FSTL5: variants seen among roughly 807,000 people sequenced by gnomAD.
The protein encoded by FSTL5 is follistatin-related protein 5.
FSTL5 carries 62 observed loss-of-function variants against 89.1 expected under a neutral mutation model. That is an observed-to-expected ratio of 0.70 (90% CI 0.57 to 0.86). The LOEUF is 0.86. FSTL5 is among the 40% of genes least tolerant of loss of function. The probability of loss-of-function intolerance (pLI) is 0.00; values close to 1 mark genes in which losing one functional copy is unlikely to be tolerated. For synonymous variants in FSTL5, 383 were observed against 346.2 expected (o/e 1.11, Z -1.18); for missense variants, 1,057 against 1,001.6 (o/e 1.06, Z -0.75).
intron 3 of FSTL5, among the ~76,000 whole-genome samples, chr4:161,969,884 G>T (rs141195290): frequency 2.0e-5 from 3 of 152,068 alleles, no homozygotes; most frequent in Admixed American, 6.6e-5. Flanking sequence ...ATGAGGATTT[G>T]AGAAGATAAA....
chr4:162,136,230 CAACATGCATATTT>C (rs1330295150), intron 1 of FSTL5, among the ~76,000 whole-genome samples: 5 of 152,002 alleles, frequency 3.3e-5, no homozygotes, highest in African/African-American at 1.2e-4. Context: ...CAAAACATCT[CAACATGCATATTT>C]AACATCTTGC....
intron 3 of FSTL5, among the ~76,000 whole-genome samples, chr4:162,014,340 A>G (rs1003184964): frequency 1.3e-5 from 2 of 152,244 alleles, no homozygotes; most frequent in Non-Finnish European, 2.9e-5. Flanking sequence ...CAAGCATGCT[A>G]CATAATACTA....
intron 7 of FSTL5, among the ~76,000 whole-genome samples, chr4:161,650,763 A>T (rs12646826): frequency 0.2 from 30,445 of 152,088 alleles, 3,237 homozygotes; most frequent in Middle Eastern, 0.35. Context: ...AATCTAGTTT[A>T]ATATGACATA....
intron 7 of FSTL5, among the ~76,000 whole-genome samples, chr4:161,638,147 T>C (rs1190696133): frequency 4.6e-5 from 7 of 151,166 alleles, no homozygotes; most frequent in Non-Finnish European, 8.8e-5. Context: ...CCTTGAGCAG[T>C]GGTTTGTAGT....
intron 8 of FSTL5, among the ~76,000 whole-genome samples, chr4:161,567,077 G>GACTGGATCTA (rs1257347411): frequency 6.6e-6 from 1 of 151,980 alleles, no homozygotes; most frequent in Non-Finnish European, 1.5e-5. Context: ...GATAATTCCA[G>GACTGGATCTA]TCATAACTTG....
chr4:161,542,752 C>T, intron 8 of FSTL5, 59 bp from the exon 9 acceptor site: 1 of 1,176,780 alleles, frequency 8.5e-7, no homozygotes, highest in African/African-American at 1.6e-5. Flanking sequence ...ATTTAATTTT[C>T]CAAAAGAAAA....
intron 11 of FSTL5, among the ~76,000 whole-genome samples, chr4:161,509,996 A>G (rs1578887013): frequency 1.3e-5 from 2 of 152,304 alleles, no homozygotes; most frequent in African/African-American, 2.4e-5. Context: ...ATTTGAATCC[A>G]GGCCCTTCAA....
At chr4:161,668,601 A>T (rs1164607807) in intron 6 of FSTL5, among the ~76,000 whole-genome samples, 2 of 152,224 alleles carry the variant, frequency 1.3e-5, no homozygotes, top group Non-Finnish European at 2.9e-5. Flanking sequence ...CTAGGCATAG[A>T]TGCAAAAATT....
rs374546829 is a variant in FSTL5, at chr4:161,677,045, C to T, written c.728-20551G>A. Reference sequence around the variant, plus strand: ...CTATATGTACAATTCCCCTTTCTTTCTTCATGTGCAATGCAATTTTATAAA... The same window carrying T: ...CTATATGTACAATTCCCCTTTCTTTTTTCATGTGCAATGCAATTTTATAAA... On this transcript the variant is annotated intron_variant, in intron 6 of 15. Coordinates refer to ENST00000306100, the MANE Select transcript of FSTL5 (RefSeq NM_020116.5). 2.2e-4 allele frequency among the ~76,000 whole-genome samples: 34 copies of T among 151,988 alleles called. 1 individual carries two copies. In the South Asian group the frequency reaches 5.4e-3, roughly 24 times the overall value.
chr4:162,106,355 A>G (rs191803172), intron 2 of FSTL5, among the ~76,000 whole-genome samples: 89 of 152,298 alleles, frequency 5.8e-4, no homozygotes, highest in Non-Finnish European at 1.0e-3. Flanking sequence ...GTCTGTCCTC[A>G]TAAGATCTTC....
intron 4 of FSTL5, among the ~76,000 whole-genome samples, chr4:161,858,881 T>C (rs58967004): frequency 0.047 from 7,202 of 152,286 alleles, 238 homozygotes; most frequent in East Asian, 0.15. Flanking sequence ...TACATTTATG[T>C]ATCTTGCATT....
chr4:161,429,896 AGTCACCT>A (rs1231477994), intron 15 of FSTL5, among the ~76,000 whole-genome samples: 1 of 152,152 alleles, frequency 6.6e-6, no homozygotes, highest in Non-Finnish European at 1.5e-5. Flanking sequence ...AAACTAAATA[AGTCACCT>A]GGGAGCACTC....
chr4:161,503,188 A>G (rs1412847784), intron 11 of FSTL5, among the ~76,000 whole-genome samples: 1 of 151,730 alleles, frequency 6.6e-6, no homozygotes. Context: ...CATTAGTTAG[A>G]GAATGTAAAA....
chr4:161,875,601 C>T (rs1015787536), intron 4 of FSTL5, among the ~76,000 whole-genome samples: 2 of 152,188 alleles, frequency 1.3e-5, no homozygotes, highest in African/African-American at 4.8e-5. Context: ...GGTCCGCTCG[C>T]ACACTGTGGA....
chr4:162,107,842 C>G (rs1469757999), intron 2 of FSTL5, among the ~76,000 whole-genome samples: 1 of 152,014 alleles, frequency 6.6e-6, no homozygotes, highest in Non-Finnish European at 1.5e-5. Flanking sequence ...CTCATTAGTT[C>G]TCACTCTCTC....
At chr4:161,754,045 T>TTAAA (rs372126953) in intron 6 of FSTL5, among the ~76,000 whole-genome samples, 1 of 85,062 alleles carries the variant, frequency 1.2e-5, no homozygotes, top group Non-Finnish European at 2.1e-5. Flanking sequence ...CCGTCTCAAT[T>TTAAA]AAAAAAAAAA....
intron 3 of FSTL5, among the ~76,000 whole-genome samples, chr4:162,000,922 A>T (rs1414985196): frequency 6.6e-6 from 1 of 152,142 alleles, no homozygotes; most frequent in African/African-American, 2.4e-5. Flanking sequence ...TGCCTGGAAA[A>T]TTTGCCAAGG....
intron 12 of FSTL5, among the ~76,000 whole-genome samples, chr4:161,484,103 G>T (rs1729601811): frequency 6.6e-6 from 1 of 152,004 alleles, no homozygotes; most frequent in African/African-American, 2.4e-5. Context: ...TATCTGATTT[G>T]CTAAGCCAAA....
rs556881260 is a variant in FSTL5, at chr4:162,073,092, T to C, written c.126+38179A>G. ...ATTCATCTTATTGCACTTGGGATGA[T>C]TGGCCTCTAATCTGCATGAGCCAAT... On this transcript the variant is annotated intron_variant, in intron 2 of 15. Coordinates refer to ENST00000306100, the MANE Select transcript of FSTL5 (RefSeq NM_020116.5). 1.4e-3 allele frequency among the ~76,000 whole-genome samples: 209 copies of C among 151,954 alleles called. 1 individual carries two copies. Among genetic ancestry groups the C allele is most frequent in the African/African-American group, 4.5e-3 (187 of 41,504 alleles).
Sources: allele counts gnomAD v4.1 joint callset (sites outside exome capture counted in the v4.1 genomes callset), GRCh38; gene constraint gnomAD v4.1.1; transcripts MANE v1.5; gene names NCBI Gene and HGNC (gene_info 2026-07-23, HGNC 2026-07-21).